The following OXCT1 variants were observed in gnomAD, a reference collection of about 807,000 sequenced individuals.
The protein encoded by OXCT1 is succinyl-CoA:3-ketoacid coenzyme A transferase 1, mitochondrial.
OXCT1 carries 27 observed loss-of-function variants against 69.6 expected under a neutral mutation model. The ratio of observed to expected loss-of-function variants is 0.39; its 90% CI spans 0.29 to 0.54. OXCT1 has a LOEUF of 0.54. Ranked by LOEUF, OXCT1 falls within the 20% of genes least tolerant of loss-of-function variation. OXCT1 has a pLI of 0.72. For missense variants in OXCT1, 437 were observed against 650.2 expected (o/e 0.67, Z 3.57); for synonymous variants, 202 against 217.8 (o/e 0.93, Z 0.64).
rs1054573742 is a variant in OXCT1 at position 41,853,397 on chromosome 5, A to G, written c.414+22T>C. 1.9e-6 allele frequency: 3 copies of G among 1,609,148 alleles called. No homozygotes were observed. The African/African-American group carries it at 4.0e-5, about 22-fold the overall frequency. On this transcript the variant is annotated intron_variant, in intron 4 of 16. Coordinates refer to ENST00000196371, the MANE Select transcript of OXCT1 (RefSeq NM_000436.4). ...ATTTTTAAAGTAAGTTAGTATTATA[A>G]AAGAAAAGCAAATTTTCTCACCTGT...
chr5:41,772,651 T>C (rs1744931496), intron 13 of OXCT1, among the ~76,000 whole-genome samples: 1 of 152,240 alleles, frequency 6.6e-6, no homozygotes, highest in Non-Finnish European at 1.5e-5. Context: ...ATTCAGTTGA[T>C]GACCCCGTTT....
At chr5:41,814,344 G>A (rs1033227256) in intron 7 of OXCT1, among the ~76,000 whole-genome samples, 3 of 152,010 alleles carry the variant, frequency 2.0e-5, no homozygotes, top group African/African-American at 7.2e-5. Context: ...CAAATAGAAA[G>A]GTTTAGCTAA....
At chr5:41,828,485 A>G (rs563797083) in intron 7 of OXCT1, among the ~76,000 whole-genome samples, 1 of 152,264 alleles carries the variant, frequency 6.6e-6, no homozygotes, top group East Asian at 1.9e-4. Flanking sequence ...AACCAAGAAA[A>G]AGGCAAGTGC....
At chr5:41,860,859 A>T (rs1749696608) in intron 3 of OXCT1, among the ~76,000 whole-genome samples, 1 of 152,084 alleles carries the variant, frequency 6.6e-6, no homozygotes, top group Non-Finnish European at 1.5e-5. Context: ...GATTAATGGT[A>T]TCCCTTTATT....
At chr5:41,766,189 A>G (rs1168894984) in intron 13 of OXCT1, among the ~76,000 whole-genome samples, 2 of 152,268 alleles carry the variant, frequency 1.3e-5, no homozygotes, top group East Asian at 3.9e-4. Context: ...TTCATAGCCA[A>G]CTCATCTTTT....
chr5:41,859,923 CAA>C (rs1185444388), intron 3 of OXCT1, among the ~76,000 whole-genome samples: 4 of 118,140 alleles, frequency 3.4e-5, no homozygotes, highest in African/African-American at 6.0e-5. Context: ...CACACACACA[CAA>C]GTAATTATAG....
At chr5:41,843,630 T>C (rs1224953156) in intron 5 of OXCT1, 3 of 456,134 alleles carry the variant, frequency 6.6e-6, no homozygotes, top group East Asian at 6.9e-5. Flanking sequence ...CAAGCATCCA[T>C]TGCCACACTC....
intron 7 of OXCT1, among the ~76,000 whole-genome samples, chr5:41,814,554 G>GA (rs2112306637): frequency 6.6e-6 from 1 of 152,030 alleles, no homozygotes; most frequent in East Asian, 1.9e-4. Flanking sequence ...CATAAAAAAG[G>GA]ATGAGTTCAT....
At chr5:41,807,216 T>A (rs1174350549) in intron 8 of OXCT1, 115 bp downstream of exon 8, 1 of 712,372 alleles carries the variant, frequency 1.4e-6, no homozygotes, top group East Asian at 2.6e-5. Context: ...CTTACTAAGA[T>A]CCAAGACCAG....
chr5:41,806,378 C>G (rs1746682104), intron 8 of OXCT1, among the ~76,000 whole-genome samples: 1 of 151,982 alleles, frequency 6.6e-6, no homozygotes, highest in African/African-American at 2.4e-5. Flanking sequence ...TAAATCATGA[C>G]AGTAATTCTG....
chr5:41,859,870 T>TATATATATATATATATGTA (rs1184001892), intron 3 of OXCT1, among the ~76,000 whole-genome samples: 1 of 119,446 alleles, frequency 8.4e-6, no homozygotes, highest in Non-Finnish European at 1.9e-5. Context: ...TAGTAATATA[T>TATATATATATATATATGTA]ATATATATAT....
chr5:41,798,075 T>C (rs189691604), intron 11 of OXCT1, among the ~76,000 whole-genome samples: 236 of 152,130 alleles, frequency 1.6e-3, no homozygotes, highest in African/African-American at 5.5e-3. Context: ...TGAATGTTGA[T>C]AGAAAGTTAT....
At chr5:41,776,591 T>C (rs1579713849) in intron 13 of OXCT1, among the ~76,000 whole-genome samples, 1 of 152,210 alleles carries the variant, frequency 6.6e-6, no homozygotes, top group Non-Finnish European at 1.5e-5. Context: ...CAAGTGAATT[T>C]GAGAAAGTCA....
At chr5:41,856,076 C>T (rs1278689665) in intron 3 of OXCT1, among the ~76,000 whole-genome samples, 1 of 152,146 alleles carries the variant, frequency 6.6e-6, no homozygotes, top group East Asian at 1.9e-4. Context: ...GGGATTTCAT[C>T]CTGAAAGACA....
intron 3 of OXCT1, 91 bp from the exon 4 acceptor site, chr5:41,853,645 A>G (rs1749291295): frequency 2.1e-6 from 3 of 1,399,452 alleles, no homozygotes; most frequent in South Asian, 1.2e-5. Flanking sequence ...TAATTTAAAG[A>G]AAAATAAATC....
intron 1 of OXCT1, among the ~76,000 whole-genome samples, chr5:41,864,968 T>A (rs935482597): frequency 2.6e-5 from 4 of 152,150 alleles, no homozygotes; most frequent in African/African-American, 9.7e-5. Flanking sequence ...CCCTAACTAT[T>A]TCAATATGCT....
chr5:41,843,094 T>C (rs1748721132), intron 5 of OXCT1, among the ~76,000 whole-genome samples: 2 of 152,212 alleles, frequency 1.3e-5, no homozygotes, highest in Non-Finnish European at 2.9e-5. Context: ...GTACAGGTTG[T>C]ATATTGAATG....
In OXCT1 at chr5:41,762,407, T is replaced by G. The variant is rs957954736; in HGVS notation, c.1249-207A>C. ...GTTCAGGATAAACATTACATCACTT[T>G]TATTAAGTGTGGCTAATATGATTTT... On this transcript the variant is annotated intron_variant, in intron 13 of 16. Transcript: ENST00000196371. This position sits in a 1 kb window ranked among gnomAD's most constrained non-coding sequence, Gnocchi z 4.0. 6.6e-6 allele frequency among the ~76,000 whole-genome samples: 1 copy of G among 152,134 alleles called. No homozygotes were observed. Among genetic ancestry groups the G allele is most frequent in the Non-Finnish European group, 1.5e-5 (1 of 68,014 alleles).
chr5:41,863,036 A>T (rs1749815387), intron 1 of OXCT1, among the ~76,000 whole-genome samples: 1 of 152,140 alleles, frequency 6.6e-6, no homozygotes, highest in Non-Finnish European at 1.5e-5. Flanking sequence ...GTACAATAAG[A>T]TTTGAGAGAC....
Sources: allele counts gnomAD v4.1 joint callset (sites outside exome capture counted in the v4.1 genomes callset), GRCh38; gene constraint gnomAD v4.1.1; non-coding constraint Gnocchi (gnomAD v3.1); transcripts MANE v1.5; gene names NCBI Gene and HGNC (gene_info 2026-07-23, HGNC 2026-07-21).